ARHGEF10: variants seen among roughly 807,000 people sequenced by gnomAD.
The protein encoded by ARHGEF10 is Rho guanine nucleotide exchange factor 10, also known as Rho guanine nucleotide exchange factor (GEF) 10.
ARHGEF10 carries 140 observed loss-of-function variants against 147.4 expected under a neutral mutation model. The ratio of observed to expected loss-of-function variants is 0.95; its 90% CI spans 0.83 to 1.09. The LOEUF (loss-of-function observed/expected upper bound fraction) is 1.09. ARHGEF10 is among the 50% of genes least tolerant of loss of function. ARHGEF10 has a pLI of 0.00. For synonymous variants in ARHGEF10, 902 were observed against 695.8 expected, an observed-to-expected ratio of 1.30 and a Z score of -4.67; for missense variants, 2,222 against 1,752.7, an observed-to-expected ratio of 1.27 and a Z score of -4.78.
At chr8:1,952,148 G>A (rs1441282092) in intron 27 of ARHGEF10, among the ~76,000 whole-genome samples, 5 of 152,228 alleles carry the variant, frequency 3.3e-5, no homozygotes, top group African/African-American at 1.2e-4. Context: ...TTTCCCTGCT[G>A]TGTCCAGCGC....
chr8:1,930,437 A>C (rs1308383191), intron 25 of ARHGEF10, among the ~76,000 whole-genome samples: 1 of 152,102 alleles, frequency 6.6e-6, no homozygotes, highest in South Asian at 2.1e-4. Context: ...CTACTGATTC[A>C]TTCTCCAAAT....
At chr8:1,879,489 C>T (rs10441638) in intron 8 of ARHGEF10, among the ~76,000 whole-genome samples, 21,860 of 151,978 alleles carry the variant, frequency 0.14, 1,806 homozygotes, top group South Asian at 0.29. Flanking sequence ...CAGAGAAGAC[C>T]CTAGCCTGGT....
At chr8:1,833,942 C>A (rs1171407628) in intron 1 of ARHGEF10, among the ~76,000 whole-genome samples, 1 of 152,086 alleles carries the variant, frequency 6.6e-6, no homozygotes, top group Non-Finnish European at 1.5e-5. Context: ...TGGGAGCCCC[C>A]CAATGACCAC....
At chr8:1,833,327 CAGAGACAGAGGCAGAGACAGAGGCAGAG>C (rs1173197711) in intron 1 of ARHGEF10, among the ~76,000 whole-genome samples, 55 of 76,842 alleles carry the variant, frequency 7.2e-4, no homozygotes, top group Non-Finnish European at 1.2e-3. Context: ...CAGAGGGAGA[CAGAGACAGAGGCAGAGACAGAGGCAGAG>C]AGAGACAGAG....
At chr8:1,828,891 AT>A (rs11458465) in intron 1 of ARHGEF10, among the ~76,000 whole-genome samples, 4 of 151,094 alleles carry the variant, frequency 2.6e-5, no homozygotes, top group African/African-American at 4.8e-5. Context: ...TCGTTTGCTT[AT>A]TTTTTTTTTC....
chr8:1,894,865 G>A (rs1317402859), intron 13 of ARHGEF10, among the ~76,000 whole-genome samples: 1 of 152,200 alleles, frequency 6.6e-6, no homozygotes, highest in Non-Finnish European at 1.5e-5. Context: ...CCCATTAGAC[G>A]ATTTGCTGAA....
At chr8:1,918,505 T>TG (rs1554505892) in intron 18 of ARHGEF10, among the ~76,000 whole-genome samples, 3 of 148,716 alleles carry the variant, frequency 2.0e-5, no homozygotes, top group Non-Finnish European at 4.5e-5. Flanking sequence ...TGTGTGTGTG[T>TG]TATTTTAAAA....
intron 1 of ARHGEF10, among the ~76,000 whole-genome samples, chr8:1,841,848 G>T (rs190699617): frequency 0.019 from 2,090 of 108,128 alleles, 38 homozygotes; most frequent in East Asian, 0.063. Flanking sequence ...GGGAACTGGG[G>T]CCGCGGCGGG....
In ARHGEF10 at chr8:1,925,001, C is replaced by T. The variant is rs1052438865; in HGVS notation, c.2489-282C>T. ...AAGTGGACCTATGTGGTTTATACAG[C>T]GACGTTTGGCAGCCTTTGGGTCCAG... is the stretch of plus-strand genomic sequence containing the variant. On this transcript the variant is annotated intron_variant, in intron 21 of 28. Transcript: ENST00000349830. Among the ~76,000 whole-genome samples the T allele has an allele frequency of 3.3e-5, 5 of 152,164 alleles. No homozygotes were observed. In the East Asian group the frequency reaches 5.8e-4, roughly 18 times the overall value.
At chr8:1,923,106 G>C (rs753649740) in intron 19 of ARHGEF10, 27 bp downstream of exon 19, 1 of 1,494,820 alleles carries the variant, frequency 6.7e-7, no homozygotes, top group African/African-American at 1.4e-5. Flanking sequence ...TTGGATTTAA[G>C]ATTCTGCCTT....
chr8:1,888,132 TGC>T (rs1440043023), intron 11 of ARHGEF10, among the ~76,000 whole-genome samples: 3 of 82,684 alleles, frequency 3.6e-5, no homozygotes, highest in East Asian at 5.7e-4. Context: ...GGTGAGGGTT[TGC>T]GAGGAGACAC....
chr8:1,927,614 T>G (rs2129222291), intron 23 of ARHGEF10: 1 of 152,514 alleles, frequency 6.6e-6, no homozygotes, highest in Middle Eastern at 3.4e-3. Context: ...GTTGCAGCAA[T>G]GCTACTTTAG....
chr8:1,883,718 G>C (rs908252226), intron 10 of ARHGEF10, among the ~76,000 whole-genome samples: 9 of 152,166 alleles, frequency 5.9e-5, no homozygotes, highest in African/African-American at 2.4e-5. Context: ...ATCATGCCCT[G>C]ATGAGGTGCC....
At position 1,843,334 on chromosome 8, in the gene ARHGEF10, G is replaced by C; in HGVS notation, c.-47-19G>C. The C allele has an allele frequency of 6.2e-7, 1 of 1,603,476 alleles. No homozygotes were observed. Among genetic ancestry groups the C allele is most frequent in the Non-Finnish European group, 8.5e-7 (1 of 1,174,318 alleles). ...TTATCCACCTGAACGGTGACAAGCA[G>C]TGTCTCTCCTTCTTGCAGGAGCTCC... On this transcript the variant is annotated intron_variant, in intron 1 of 28. Coordinates refer to ENST00000349830, the MANE Select transcript of ARHGEF10 (RefSeq NM_014629.4).
intron 12 of ARHGEF10, 49 bp from the exon 13 acceptor site, chr8:1,894,344 A>C: frequency 6.2e-7 from 1 of 1,604,394 alleles, no homozygotes; most frequent in Non-Finnish European, 8.5e-7. Flanking sequence ...AACAAGACCC[A>C]GGCTCTGAAA....
chr8:1,929,949 G>A (rs963444586), intron 25 of ARHGEF10, among the ~76,000 whole-genome samples: 3 of 152,108 alleles, frequency 2.0e-5, no homozygotes, highest in African/African-American at 7.2e-5. Flanking sequence ...CCTGGTCCCC[G>A]CAGCCGCTGG....
At chr8:1,841,744 G>T (rs1298935473) in intron 1 of ARHGEF10, among the ~76,000 whole-genome samples, 2 of 152,032 alleles carry the variant, frequency 1.3e-5, no homozygotes, top group African/African-American at 2.4e-5. Context: ...TGCTCGTGGG[G>T]AGCCCCAGTG....
chr8:1,896,436 T>C lies in ARHGEF10; in HGVS notation c.1544T>C (p.Leu515Pro). The C allele has an allele frequency of 6.2e-7, 1 of 1,613,580 alleles. No individual in the cohort carries two copies. Among genetic ancestry groups the C allele is most frequent in the Non-Finnish European group, 8.5e-7 (1 of 1,179,796 alleles). ...KKTCATKPAF[L>P]EFLKQEQEAS... is the part of the protein sequence containing the mutation. Reference sequence around the variant, plus strand: ...ACATGTGCCACAAAGCCCGCTTTTCTTGAATTTTTAAAGGTAAGCGCTTTT... The same window carrying C: ...ACATGTGCCACAAAGCCCGCTTTTCCTGAATTTTTAAAGGTAAGCGCTTTT... Residue 515 changes from leucine to proline, a missense_variant, in exon 14 of 29, where the codon CTT becomes CCT. Leu to Pro is a moderately conservative substitution (Grantham distance 98, BLOSUM62 -3). Coordinates refer to ENST00000349830, the MANE Select transcript of ARHGEF10 (RefSeq NM_014629.4).
chr8:1,904,948 C>G (rs980166523), intron 16 of ARHGEF10, among the ~76,000 whole-genome samples: 2 of 152,090 alleles, frequency 1.3e-5, no homozygotes, highest in African/African-American at 2.4e-5. Context: ...TGACAAAACC[C>G]CGTCTCTACT....
Sources: allele counts gnomAD v4.1 joint callset (sites outside exome capture counted in the v4.1 genomes callset), GRCh38; gene constraint gnomAD v4.1.1; transcripts MANE v1.5; gene names NCBI Gene and HGNC (gene_info 2026-07-23, HGNC 2026-07-21).